The following HERC1 variants were observed in gnomAD, a reference collection of about 807,000 sequenced individuals.
HERC1 encodes probable E3 ubiquitin-protein ligase HERC1.
In HERC1, 160 loss-of-function variants were observed where a neutral mutation model predicts 554.3. The ratio of observed to expected loss-of-function variants is 0.29; its 90% CI spans 0.25 to 0.33. The LOEUF (loss-of-function observed/expected upper bound fraction) is 0.33, where lower values mean the gene tolerates loss of function less well. HERC1 is among the 10% of genes least tolerant of loss of function. The probability of loss-of-function intolerance (pLI) is 1.00; values close to 1 mark genes in which losing one functional copy is unlikely to be tolerated. For missense variants in HERC1, 4,919 were observed against 5,918.5 expected, an observed-to-expected ratio of 0.83 and a Z score of 5.54; for synonymous variants, 2,175 against 2,131.7, an observed-to-expected ratio of 1.02 and a Z score of -0.56.
intron 33 of HERC1, among the ~76,000 whole-genome samples, chr15:63,688,231 C>T (rs1191234080): frequency 1.3e-5 from 2 of 152,064 alleles, no homozygotes; most frequent in African/African-American, 2.4e-5. Flanking sequence ...AAAGACGAGC[C>T]AACAGAATCT....
chr15:63,807,586 C>A (rs2077174459), intron 1 of HERC1, among the ~76,000 whole-genome samples: 2 of 152,142 alleles, frequency 1.3e-5, no homozygotes, highest in African/African-American at 4.8e-5. Context: ...ACAACTAGTC[C>A]ATTTATTTCC....
rs1159313939 is a variant in HERC1 at position 63,649,927 on chromosome 15, TA to T, written c.10547-3del. On this transcript the variant is annotated splice_region_variant and splice_polypyrimidine_tract_variant and intron_variant, in intron 53 of 77. Transcript: ENST00000443617. ...GAATATCTACTAATCCTTTTCCTCC[TA>T]AAAGGGAAAAAATGTTAACTAGTTT... 5 of 1,583,398 alleles carry T rather than the reference TA, an allele frequency of 3.2e-6. No individual in the cohort carries two copies. Among genetic ancestry groups the T allele is most frequent in the Non-Finnish European group, 4.3e-6 (5 of 1,164,006 alleles).
At chr15:63,748,112 G>C (rs961196269) in intron 10 of HERC1, among the ~76,000 whole-genome samples, 1 of 152,056 alleles carries the variant, frequency 6.6e-6, no homozygotes, top group Non-Finnish European at 1.5e-5. Flanking sequence ...TGTAGTCCCA[G>C]TTACCCAGGA....
chr15:63,637,610 G>C lies in HERC1; in HGVS notation c.12127C>G (p.Gln4043Glu), dbSNP rs952999138. The C allele has an allele frequency of 1.2e-5, 18 of 1,552,354 alleles. No homozygotes were observed. The highest frequency in any genetic ancestry group is 1.6e-5 in the Non-Finnish European group (18 of 1,147,118). Residue 4043 changes from glutamine to glutamate, a missense_variant, in exon 64 of 78, where the codon CAG becomes GAG. Gln to Glu is a conservative substitution (Grantham distance 29). Coordinates refer to ENST00000443617, the MANE Select transcript of HERC1 (RefSeq NM_003922.4). ...CAAGCCAACACTGTGCCATTGGCCT[G>C]GATGACAAAGGTACAATTCTGACCA... ...ICGQNCTFVI[Q>E]ANGTVLACGE...
chr15:63,700,729 A>AG (rs2072672114), intron 25 of HERC1, among the ~76,000 whole-genome samples: 2 of 150,154 alleles, frequency 1.3e-5, no homozygotes, highest in East Asian at 3.8e-4. Context: ...AAAAAAAAAA[A>AG]AGCTTAATTT....
chr15:63,723,216 A>C lies in HERC1; in HGVS notation c.3708T>G (p.Leu1236=), dbSNP rs770665152. The C allele has an allele frequency of 9.5e-6, 15 of 1,585,214 alleles. No homozygotes were observed. The African/African-American group carries it at 1.8e-4, about 19-fold the overall frequency. ...CAGCATAGTCCTGCATGCTGATCCA[A>C]AGGCTTCGGGCAGGCTCTTTAGAAC... ...LGCSKEPARS[L]WISMQDYAVS... is the part of the protein sequence containing the mutation. Residue 1236 remains leucine, a synonymous_variant, in exon 19 of 78, where the codon CTT becomes CTG. Transcript: ENST00000443617.
At chr15:63,731,817 A>G (rs1159427565) in intron 14 of HERC1, among the ~76,000 whole-genome samples, 1 of 152,230 alleles carries the variant, frequency 6.6e-6, no homozygotes, top group African/African-American at 2.4e-5. Context: ...AGAGATGTGT[A>G]GCTATATGCA....
intron 32 of HERC1, 137 bp downstream of exon 32, chr15:63,690,400 TAAAG>T (rs1316592444): frequency 1.9e-5 from 11 of 565,218 alleles, no homozygotes; most frequent in Non-Finnish European, 2.8e-5. Flanking sequence ...GGTGAAATAA[TAAAG>T]AAAGCAGTCC....
In HERC1 at chr15:63,637,505, C is replaced by A; in HGVS notation, c.12232G>T (p.Gly4078Cys). ...ATCTTTTTATTAAGGACAATTTTAC[C>A]TTGTAAGGCTGAAATAACTGTCAGC... ...HVLTVISALQ[G>C]FVVTQLVTSC... is the part of the protein sequence containing the mutation. Residue 4078 changes from glycine (G) to cysteine (C), a missense_variant and splice_region_variant, in exon 64 of 78, where the codon GGC becomes TGC. Physicochemically the swap from Gly to Cys is radical, Grantham distance 159 (BLOSUM62 -3). This residue lies in a region of HERC1 where 122 missense variants were observed against 195.2 expected (regional missense o/e 0.63). Transcript: ENST00000443617. 1 of 1,566,998 alleles carries A rather than the reference C, an allele frequency of 6.4e-7. No homozygotes were observed. The highest frequency in any genetic ancestry group is 1.2e-5 in the South Asian group (1 of 85,222).
In HERC1 at chr15:63,756,710, C is replaced by T. The variant is rs1452206062; in HGVS notation, c.1260G>A (p.Thr420=). ...TCCCGCAAGCTCTAACAGAGCCATC[C>T]GTAGAAATGACAAAAGTGCAGTACT... ...AGQYCTFVIS[T]DGSVRACGKG... is the part of the protein sequence containing the mutation. Residue 420 remains threonine (T), a synonymous_variant, in exon 5 of 78, where the codon ACG becomes ACA. Transcript: ENST00000443617. The surrounding 1 kb of genome is among the most constrained non-coding windows in gnomAD (Gnocchi z 5.0). 1 of 1,611,676 alleles carries T rather than the reference C, an allele frequency of 6.2e-7. No individual in the cohort carries two copies. The highest frequency in any genetic ancestry group is 8.5e-7 in the Non-Finnish European group (1 of 1,179,042).
intron 42 of HERC1, among the ~76,000 whole-genome samples, chr15:63,665,041 T>C (rs771260881): frequency 1.1e-4 from 17 of 151,952 alleles, no homozygotes; most frequent in Non-Finnish European, 2.5e-4. Context: ...ATAGTTAAAA[T>C]GAAAAATAAA....
chr15:63,760,294 TAA>T (rs2075565257), intron 3 of HERC1, among the ~76,000 whole-genome samples: 3 of 151,942 alleles, frequency 2.0e-5, no homozygotes, highest in Admixed American at 2.0e-4. Flanking sequence ...CAACTCATTC[TAA>T]GAGTTCAGGA....
intron 1 of HERC1, among the ~76,000 whole-genome samples, chr15:63,825,723 G>A (rs2077875125): frequency 6.6e-6 from 1 of 151,714 alleles, no homozygotes; most frequent in Non-Finnish European, 1.5e-5. Flanking sequence ...ATTTTCCTGG[G>A]AACATCAGTT....
intron 74 of HERC1, among the ~76,000 whole-genome samples, chr15:63,621,620 G>A (rs144335858): frequency 0.051 from 7,673 of 151,274 alleles, 264 homozygotes; most frequent in Non-Finnish European, 0.073. Flanking sequence ...CCCACTTTCA[G>A]GTACACCAAT....
chr15:63,675,248 G>C, intron 37 of HERC1, 131 bp from the exon 38 acceptor site: 1 of 684,388 alleles, frequency 1.5e-6, no homozygotes. Flanking sequence ...ACAAACTAGA[G>C]AAATCATTAC....
At chr15:63,757,262 C>CTTTTTTTTTTTTT (rs56196711) in intron 4 of HERC1, among the ~76,000 whole-genome samples, 2 of 107,880 alleles carry the variant, frequency 1.9e-5, no homozygotes, top group African/African-American at 7.1e-5. Context: ...TTTTTATTTA[C>CTTTTTTTTTTTTT]TTTTTTTTTT....
At position 63,764,079 on chromosome 15, in the gene HERC1, C is replaced by A; in HGVS notation, c.1026+17G>T. On this transcript the variant is annotated intron_variant, in intron 3 of 77. Coordinates refer to ENST00000443617, the MANE Select transcript of HERC1 (RefSeq NM_003922.4). Reference sequence around the variant, plus strand: ...TAACACAAAGTTGTTAATACAAAAGCCACGATTATTACGTACCTCTTCAAA... The same window carrying A: ...TAACACAAAGTTGTTAATACAAAAGACACGATTATTACGTACCTCTTCAAA... The A allele has an allele frequency of 6.5e-7, 1 of 1,541,378 alleles. No homozygotes were observed. Among genetic ancestry groups the A allele is most frequent in the South Asian group, 1.2e-5 (1 of 86,382 alleles).
chr15:63,623,650 A>G, intron 73 of HERC1, 75 bp downstream of exon 73: 3 of 1,357,704 alleles, frequency 2.2e-6, no homozygotes. Flanking sequence ...CATGCCTGGC[A>G]GAGTGATCAC....
chr15:63,773,672 T>C (rs543336643), intron 2 of HERC1, among the ~76,000 whole-genome samples: 17 of 151,782 alleles, frequency 1.1e-4, no homozygotes, highest in African/African-American at 3.9e-4. Context: ...GCCTCCCAAG[T>C]AGCTAGGATT....
Sources: gnomAD v4.1 joint callset for allele counts (sites outside exome capture counted in the v4.1 genomes callset) on GRCh38, gnomAD v4.1.1 for gene constraint, gnomAD v4.1.1 regional missense constraint, Gnocchi (gnomAD v3.1) non-coding constraint, MANE v1.5 for transcripts, NCBI Gene and HGNC (gene_info 2026-07-23, HGNC 2026-07-21) for gene names.